Variants in PIP5K1B observed in about 807,000 individuals in gnomAD.
PIP5K1B encodes the protein phosphatidylinositol-4-phosphate 5-kinase type 1 beta.
PIP5K1B carries 42 observed loss-of-function variants against 67.0 expected under a neutral mutation model. That is an observed-to-expected ratio of 0.63 (90% CI 0.49 to 0.81). PIP5K1B has a LOEUF of 0.81. Ranked by LOEUF, PIP5K1B falls within the 30% of genes least tolerant of loss-of-function variation. The probability of loss-of-function intolerance (pLI) is 0.00; values close to 1 mark genes in which losing one functional copy is unlikely to be tolerated. For missense variants in PIP5K1B, 459 were observed against 646.3 expected (o/e 0.71, Z 3.14); for synonymous variants, 214 against 231.4 (o/e 0.92, Z 0.68).
chr9:68,922,390 G>T (rs1826447935), intron 11 of PIP5K1B, among the ~76,000 whole-genome samples: 1 of 149,554 alleles, frequency 6.7e-6, no homozygotes, highest in African/African-American at 2.5e-5. Context: ...TTGAATCCGG[G>T]AGGCGGAGGT....
intron 12 of PIP5K1B, among the ~76,000 whole-genome samples, chr9:68,927,901 T>C (rs1222553420): frequency 6.6e-6 from 1 of 152,222 alleles, no homozygotes; most frequent in Non-Finnish European, 1.5e-5. Flanking sequence ...TTTAGGTTTG[T>C]GATTCATTCT....
intron 8 of PIP5K1B, among the ~76,000 whole-genome samples, chr9:68,914,176 A>AT (rs983491515): frequency 6.6e-5 from 10 of 152,224 alleles, no homozygotes; most frequent in East Asian, 1.9e-4. Flanking sequence ...TAAAAAAAGC[A>AT]TTTTTTTAAA....
intron 8 of PIP5K1B, among the ~76,000 whole-genome samples, chr9:68,906,880 C>A (rs1375146692): frequency 6.6e-6 from 1 of 152,212 alleles, no homozygotes; most frequent in African/African-American, 2.4e-5. Flanking sequence ...ATTCTCCATC[C>A]TCTGATATTC....
chr9:68,720,066 C>G lies in PIP5K1B; in HGVS notation c.-243+14304C>G, dbSNP rs549938888. Among the ~76,000 whole-genome samples, 4 of 152,348 alleles carry G rather than the reference C, an allele frequency of 2.6e-5. No individual in the cohort carries two copies. In the East Asian group the frequency reaches 5.8e-4, roughly 22 times the overall value. ...CAGGAACTTTGTTCTGTTTACTACA[C>G]TGTCTCCAGCACCTAGAACAGTGTC... On this transcript the variant is annotated intron_variant, in intron 1 of 15. Coordinates refer to ENST00000265382, the MANE Select transcript of PIP5K1B (RefSeq NM_003558.4).
At chr9:68,927,332 T>G (rs1191476174) in intron 12 of PIP5K1B, among the ~76,000 whole-genome samples, 1 of 152,212 alleles carries the variant, frequency 6.6e-6, no homozygotes, top group Non-Finnish European at 1.5e-5. Context: ...TGATAACATT[T>G]TGAGGAACTG....
chr9:68,783,246 T>C (rs1033823156), intron 2 of PIP5K1B: 1 of 167,060 alleles, frequency 6.0e-6, no homozygotes, highest in Admixed American at 6.5e-5. Context: ...ATAGCTTCAA[T>C]CCTCTCCTCA....
chr9:68,781,092 C>A, intron 2 of PIP5K1B: 1 of 1,524,984 alleles, frequency 6.6e-7, no homozygotes, highest in African/African-American at 1.4e-5. Flanking sequence ...GGGGCAAACA[C>A]TGAACTTTGT....
chr9:68,930,818 A>G (rs908690535), intron 12 of PIP5K1B, among the ~76,000 whole-genome samples: 2 of 152,170 alleles, frequency 1.3e-5, no homozygotes, highest in Non-Finnish European at 2.9e-5. Flanking sequence ...CTGGTGCCCA[A>G]AGTCCTTAAC....
intron 12 of PIP5K1B, among the ~76,000 whole-genome samples, chr9:68,926,409 T>G (rs1278811115): frequency 6.6e-6 from 1 of 152,206 alleles, no homozygotes; most frequent in African/African-American, 2.4e-5. Flanking sequence ...TAATCAAATC[T>G]ATTGACATTT....
At chr9:68,875,320 A>C (rs976565015) in intron 5 of PIP5K1B, among the ~76,000 whole-genome samples, 9 of 150,784 alleles carry the variant, frequency 6.0e-5, no homozygotes, top group Non-Finnish European at 7.4e-5. Context: ...AAAAAAAAAA[A>C]AAAAAACAGT....
At chr9:68,803,307 G>A (rs1832703079) in intron 2 of PIP5K1B, among the ~76,000 whole-genome samples, 1 of 152,184 alleles carries the variant, frequency 6.6e-6, no homozygotes, top group Non-Finnish European at 1.5e-5. Flanking sequence ...AGAAAGTCTG[G>A]GCTCAAAGAG....
rs150463301 is a variant in PIP5K1B at position 69,001,411 on chromosome 9, CTA to C, written c.1621-7034_1621-7033del. Among the ~76,000 whole-genome samples, 961 of 152,182 alleles carry C rather than the reference CTA, an allele frequency of 6.3e-3. 11 individuals carry two copies. Among genetic ancestry groups the C allele is most frequent in the African/African-American group, 0.022 (918 of 41,518 alleles). On this transcript the variant is annotated intron_variant, in intron 15 of 15. Coordinates refer to ENST00000265382, the MANE Select transcript of PIP5K1B (RefSeq NM_003558.4). ...AGTGGATTGTGTTGCAGCAACAGATCTATGTGATGTGTTAGATGATAAGGTGT... is the reference window on the plus strand; with the variant it reads ...AGTGGATTGTGTTGCAGCAACAGATCTGTGATGTGTTAGATGATAAGGTGT...
At chr9:68,740,947 G>A (rs1828976798) in intron 1 of PIP5K1B, among the ~76,000 whole-genome samples, 1 of 152,166 alleles carries the variant, frequency 6.6e-6, no homozygotes, top group South Asian at 2.1e-4. Context: ...GAGGGACTGG[G>A]GGAAGTTTTA....
chr9:68,726,988 T>C (rs920289498), intron 1 of PIP5K1B, among the ~76,000 whole-genome samples: 2 of 152,192 alleles, frequency 1.3e-5, no homozygotes, highest in Non-Finnish European at 2.9e-5. Flanking sequence ...TTGTTGTTTT[T>C]TTTTTTAGCA....
chr9:68,933,268 T>C (rs1352639882), intron 12 of PIP5K1B, among the ~76,000 whole-genome samples: 3 of 143,864 alleles, frequency 2.1e-5, no homozygotes, highest in Non-Finnish European at 4.5e-5. Flanking sequence ...AGCACATGTA[T>C]CCCAGAACTT....
intron 7 of PIP5K1B, among the ~76,000 whole-genome samples, chr9:68,894,045 A>G (rs1824956059): frequency 6.6e-6 from 1 of 152,212 alleles, no homozygotes; most frequent in South Asian, 2.1e-4. Flanking sequence ...ACCTTAGAGA[A>G]TAGTCACTCA....
At chr9:68,781,235 C>A (rs1243821815) in intron 2 of PIP5K1B, 2 of 613,698 alleles carry the variant, frequency 3.3e-6, no homozygotes, top group Non-Finnish European at 5.7e-6. Flanking sequence ...TATTTTCAGA[C>A]GTTTCCCCAA....
intron 14 of PIP5K1B, among the ~76,000 whole-genome samples, chr9:68,942,406 G>A (rs1202547453): frequency 1.1e-4 from 17 of 152,092 alleles, no homozygotes; most frequent in Admixed American, 7.2e-4. Flanking sequence ...CAATCATTTC[G>A]TGAGATTTTC....
intron 2 of PIP5K1B, among the ~76,000 whole-genome samples, chr9:68,747,024 T>A (rs1587380118): frequency 6.6e-6 from 1 of 152,024 alleles, no homozygotes; most frequent in East Asian, 1.9e-4. Context: ...AGAAGCTGGA[T>A]TCTGAAGGAA....
Sources: allele counts gnomAD v4.1 joint callset (sites outside exome capture counted in the v4.1 genomes callset), GRCh38; gene constraint gnomAD v4.1.1; transcripts MANE v1.5; gene names NCBI Gene and HGNC (gene_info 2026-07-23, HGNC 2026-07-21).